NXPE2: variants seen among roughly 807,000 people sequenced by gnomAD.
NXPE2 encodes the protein neurexophilin and PC-esterase domain family member 2.
NXPE2 carries 34 observed loss-of-function variants against 34.4 expected under a neutral mutation model. That is an observed-to-expected ratio of 0.99 (90% CI 0.75 to 1.31). The LOEUF (loss-of-function observed/expected upper bound fraction) is 1.31, where lower values mean the gene tolerates loss of function less well. NXPE2 is among the 40% of genes most tolerant of loss of function. NXPE2 has a pLI of 0.00. For missense variants in NXPE2, 649 were observed against 672.5 expected, an observed-to-expected ratio of 0.97 and a Z score of 0.39; for synonymous variants, 235 against 231.3, an observed-to-expected ratio of 1.02 and a Z score of -0.15.
the NXPE2 span, among the ~76,000 whole-genome samples, chr11:114,658,595 C>T: frequency 6.6e-6 from 1 of 152,108 alleles, no homozygotes. Flanking sequence ...GGCAGAAGGG[C>T]AGCAAACTCT....
the NXPE2 span, among the ~76,000 whole-genome samples, chr11:114,491,142 C>G: frequency 9.0e-6 from 1 of 111,066 alleles, no homozygotes; most frequent in Non-Finnish European, 1.7e-5. Context: ...GCAGTCCGGC[C>G]TGGGCGACAG....
chr11:114,580,624 T>C, the NXPE2 span, among the ~76,000 whole-genome samples: 1 of 152,206 alleles, frequency 6.6e-6, no homozygotes, highest in Admixed American at 6.5e-5. Flanking sequence ...ATTTTCCAGC[T>C]TTTCTATGAA....
chr11:114,661,846 A>G, the NXPE2 span, among the ~76,000 whole-genome samples: 1 of 152,342 alleles, frequency 6.6e-6, no homozygotes, highest in South Asian at 2.1e-4. Flanking sequence ...CAGAAAAAAA[A>G]TTAAGATTCT....
chr11:114,639,838 A>AAATATAAAAT, the NXPE2 span, among the ~76,000 whole-genome samples: 12 of 112,016 alleles, frequency 1.1e-4, no homozygotes, highest in Non-Finnish European at 1.5e-4. Flanking sequence ...ATATTATATT[A>AAATATAAAAT]AATATAAAAT....
the NXPE2 span, among the ~76,000 whole-genome samples, chr11:114,797,492 CTCAGTTCACAGCAGGCAT>C: frequency 2.6e-5 from 4 of 152,112 alleles, no homozygotes; most frequent in African/African-American, 9.7e-5. Flanking sequence ...TCACGAGGTC[CTCAGTTCACAGCAGGCAT>C]TTTGGCACCC....
chr11:114,618,012 G>A, the NXPE2 span, among the ~76,000 whole-genome samples: 34 of 151,060 alleles, frequency 2.3e-4, no homozygotes, highest in African/African-American at 7.0e-4. Context: ...AGTGTTACCC[G>A]CTGGATAATA....
the NXPE2 span, among the ~76,000 whole-genome samples, chr11:114,729,091 G>C: frequency 6.6e-6 from 1 of 151,830 alleles, no homozygotes; most frequent in Non-Finnish European, 1.5e-5. Context: ...TATTCTAGTA[G>C]TCCCCACTAT....
chr11:114,609,919 C>T, the NXPE2 span, among the ~76,000 whole-genome samples: 337 of 151,236 alleles, frequency 2.2e-3, 2 homozygotes, highest in African/African-American at 6.6e-3. Context: ...TACCATTAAC[C>T]GGTGGATAAT....
At chr11:114,623,231 G>A in the NXPE2 span, among the ~76,000 whole-genome samples, 16 of 151,544 alleles carry the variant, frequency 1.1e-4, no homozygotes, top group African/African-American at 3.9e-4. Flanking sequence ...ATTGCCTCTA[G>A]CATAACCACT....
intron 2 of NXPE2, among the ~76,000 whole-genome samples, chr11:114,682,920 G>T (rs930184045): frequency 6.6e-6 from 1 of 151,588 alleles, no homozygotes; most frequent in Non-Finnish European, 1.5e-5. Flanking sequence ...TTTAAAAGGG[G>T]AGAGAAAACC....
the NXPE2 span, among the ~76,000 whole-genome samples, chr11:114,669,999 A>G: frequency 1.3e-5 from 2 of 152,218 alleles, no homozygotes; most frequent in South Asian, 4.1e-4. Context: ...AAGCAAAACC[A>G]TAAACCAACT....
chr11:114,804,510 T>C, the NXPE2 span, among the ~76,000 whole-genome samples: 4 of 152,260 alleles, frequency 2.6e-5, no homozygotes, highest in Admixed American at 6.5e-5. Context: ...TCACATTTTA[T>C]GAGTGCAGAG....
At chr11:114,724,183 G>T in the NXPE2 span, among the ~76,000 whole-genome samples, 1 of 152,002 alleles carries the variant, frequency 6.6e-6, no homozygotes, top group Admixed American at 6.6e-5. Context: ...AATTTCTCAG[G>T]GTCACCTGAA....
chr11:114,782,580 C>A, the NXPE2 span, among the ~76,000 whole-genome samples: 2 of 152,238 alleles, frequency 1.3e-5, no homozygotes, highest in Non-Finnish European at 2.9e-5. Flanking sequence ...GTTATGCCCA[C>A]TTTACAGACA....
chr11:114,729,921 G>A, the NXPE2 span, among the ~76,000 whole-genome samples: 3 of 152,088 alleles, frequency 2.0e-5, no homozygotes, highest in Admixed American at 1.3e-4. Flanking sequence ...GGTCCCACTT[G>A]TTGATTTTTA....
the NXPE2 span, among the ~76,000 whole-genome samples, chr11:114,465,237 A>G: frequency 1.3e-5 from 2 of 152,224 alleles, no homozygotes; most frequent in African/African-American, 4.8e-5. Flanking sequence ...GAGGATATTC[A>G]TAACAGTCCT....
chr11:114,472,974 G>A, the NXPE2 span, among the ~76,000 whole-genome samples: 2 of 152,132 alleles, frequency 1.3e-5, no homozygotes, highest in Admixed American at 1.3e-4. Context: ...ATTTTCAAGT[G>A]CAATTTTTTT....
At chr11:114,785,131 T>C in the NXPE2 span, among the ~76,000 whole-genome samples, 3 of 152,012 alleles carry the variant, frequency 2.0e-5, no homozygotes, top group Non-Finnish European at 2.9e-5. Context: ...CAAAGGCCAT[T>C]GATGTTCAAA....
At chr11:114,706,167 T>A (rs1352508144) in intron 5 of NXPE2, among the ~76,000 whole-genome samples, 171 bp downstream of exon 5, 2 of 151,982 alleles carry the variant, frequency 1.3e-5, no homozygotes, top group African/African-American at 4.8e-5. Flanking sequence ...AGTTAAATTT[T>A]ATCTTTTCAT....
Sources: gnomAD v4.1 joint callset for allele counts (sites outside exome capture counted in the v4.1 genomes callset) on GRCh38, gnomAD v4.1.1 for gene constraint, MANE v1.5 for transcripts, NCBI Gene and HGNC (gene_info 2026-07-23, HGNC 2026-07-21) for gene names.